The following MFAP3L variants were observed in gnomAD, a reference collection of about 807,000 sequenced individuals.
The protein encoded by MFAP3L is microfibril associated protein 3 like, also known as microfibrillar-associated protein 3-like.
In MFAP3L, 5 loss-of-function variants were observed where a neutral mutation model predicts 20.0. The observed-to-expected ratio is 0.25, with a 90% CI of 0.13 to 0.53. MFAP3L has a LOEUF of 0.53. Ranked by LOEUF, MFAP3L falls within the 20% of genes least tolerant of loss-of-function variation. MFAP3L has a pLI of 0.96. For missense variants in MFAP3L, 409 were observed against 527.5 expected, an observed-to-expected ratio of 0.78 and a Z score of 2.20; for synonymous variants, 219 against 213.0, an observed-to-expected ratio of 1.03 and a Z score of -0.25.
At chr4:170,005,069 C>T (rs937216234) in intron 2 of MFAP3L, 1 of 155,762 alleles carries the variant, frequency 6.4e-6, no homozygotes, top group African/African-American at 2.4e-5. Flanking sequence ...ATCCTCCCTC[C>T]CTCCCTGCCT....
rs759040793 is a variant in MFAP3L, at chr4:170,005,741, A to C, written c.137T>G (p.Val46Gly). The part of the protein sequence containing the change: ...LNGTNVVLGS[V>G]PVIIARTDHI... Reference sequence around the variant, plus strand: ...GTCAGTTCTGGCAATGATTACGGGCACAGAGCCCAAGACCACGTTAGTGCC... The same window carrying C: ...GTCAGTTCTGGCAATGATTACGGGCCCAGAGCCCAAGACCACGTTAGTGCC... The change falls in exon 2 of 3, where the codon GTG (valine) becomes GGG (glycine). Residue 46 changes from valine (V) to glycine (G), a missense_variant. Val to Gly is a moderately radical substitution (Grantham distance 109). Transcript: ENST00000361618. 2 of 1,614,216 alleles carry C rather than the reference A, an allele frequency of 1.2e-6. No individual in the cohort carries two copies. The highest frequency in any genetic ancestry group is 2.2e-5 in the South Asian group (2 of 91,078).
At chr4:170,011,039 G>A (rs1246886196) in intron 1 of MFAP3L, among the ~76,000 whole-genome samples, 2 of 152,114 alleles carry the variant, frequency 1.3e-5, no homozygotes, top group East Asian at 3.9e-4. Flanking sequence ...TAAGTCTCAC[G>A]AGATCTAACG....
upstream of MFAP3L, chr4:170,026,792 G>A (rs987594374): frequency 6.6e-5 from 10 of 152,266 alleles, no homozygotes; most frequent in African/African-American, 1.9e-4. Context: ...GGACACCCAG[G>A]AAAAGGCTTC....
intron 1 of MFAP3L, among the ~76,000 whole-genome samples, chr4:170,011,049 G>A (rs570532643): frequency 2.0e-5 from 3 of 152,244 alleles, no homozygotes; most frequent in South Asian, 4.1e-4. Context: ...GAGATCTAAC[G>A]GTTTTATAAA....
At chr4:170,006,589 C>A (rs1428661019) in intron 1 of MFAP3L, 3 of 152,178 alleles carry the variant, frequency 2.0e-5, no homozygotes, top group African/African-American at 7.2e-5. Flanking sequence ...TGGATTCAGG[C>A]TGCTTTCACT....
Position 169,992,354 on chromosome 4 carries a change from C to T in MFAP3L, c.299-45G>A, listed in dbSNP as rs755532700. ...AGAATTCAACCAAGGACACAGAGCT[C>T]CCATGACTACAAACTGATACGTTTC... On this transcript the variant is annotated intron_variant, in intron 2 of 2. Coordinates refer to ENST00000361618, the MANE Select transcript of MFAP3L (RefSeq NM_021647.8). This position sits in a 1 kb window ranked among gnomAD's most constrained non-coding sequence, Gnocchi z 4.3. The T allele has an allele frequency of 6.8e-7, 1 of 1,468,340 alleles. No homozygotes were observed. The highest frequency in any genetic ancestry group is 9.3e-7 in the Non-Finnish European group (1 of 1,071,032). The allele number at this position is 1,468,340 out of a possible 1,614,324, so 91.0% of individuals were successfully genotyped here. A position where few individuals can be genotyped will look rare whatever the true frequency, so the allele number is the denominator to read the frequency against.
At chr4:170,003,991 C>G (rs1208113752) in intron 2 of MFAP3L, among the ~76,000 whole-genome samples, 1 of 152,152 alleles carries the variant, frequency 6.6e-6, no homozygotes, top group Non-Finnish European at 1.5e-5. Context: ...GAGTCTCACT[C>G]TGTCGCCCAG....
intron 1 of MFAP3L, among the ~76,000 whole-genome samples, chr4:170,025,821 C>G (rs988870944): frequency 6.6e-6 from 1 of 152,192 alleles, no homozygotes; most frequent in African/African-American, 2.4e-5. Context: ...GGCCAGCGCA[C>G]GCTCCTCCCT....
chr4:169,992,218 G>A lies in MFAP3L; in HGVS notation c.390C>T (p.Ile130=). 6.2e-7 allele frequency: 1 copy of A among 1,614,174 alleles called. No individual in the cohort carries two copies. The highest frequency in any genetic ancestry group is 8.5e-7 in the Non-Finnish European group (1 of 1,180,044). ...TCACCGTGTTGTTCACGGTGCCGTA[G>A]ATGTTAGAAGCCACACACGTGTATT... is the stretch of plus-strand genomic sequence containing the variant. The part of the protein sequence containing the change: ...RGKYTCVASN[I]YGTVNNTVTL... Residue 130 remains isoleucine (I), a synonymous_variant, in exon 3 of 3, where the codon ATC becomes ATT. Transcript: ENST00000361618. This position sits in a 1 kb window ranked among gnomAD's most constrained non-coding sequence, Gnocchi z 4.3.
intron 1 of MFAP3L, among the ~76,000 whole-genome samples, chr4:170,012,229 G>A (rs1739428762): frequency 6.6e-6 from 1 of 152,164 alleles, no homozygotes; most frequent in Non-Finnish European, 1.5e-5. Flanking sequence ...CAGTGGGGAA[G>A]GAAAGAAGTT....
Position 170,023,686 on chromosome 4 carries a change from G to A in MFAP3L, c.-134+2548C>T, listed in dbSNP as rs891711412. 9.2e-5 allele frequency among the ~76,000 whole-genome samples: 14 copies of A among 152,198 alleles called. No individual in the cohort carries two copies. In the East Asian group the frequency reaches 2.7e-3, roughly 29 times the overall value. On this transcript the variant is annotated intron_variant, in intron 1 of 2. Transcript: ENST00000361618. ...GGGTTAGATGCCAACTTAGGGGAGT[G>A]ATAGTATCTGCATGATTTCTAAATT...
intron 2 of MFAP3L, among the ~76,000 whole-genome samples, chr4:169,999,320 G>A (rs1179899233): frequency 6.6e-6 from 1 of 152,150 alleles, no homozygotes; most frequent in African/African-American, 2.4e-5. Context: ...AGGTGGGGAT[G>A]GAAGGATTTT....
chr4:169,994,394 C>A (rs896562780), intron 2 of MFAP3L: 2 of 984,862 alleles, frequency 2.0e-6, no homozygotes, highest in African/African-American at 1.7e-5. Flanking sequence ...ACAAGACAGG[C>A]ATCTGATGGT....
chr4:170,005,429 C>T lies in MFAP3L; in HGVS notation c.298+151G>A. Reference sequence around the variant, plus strand: ...AATGAATTAATTGCTTCTTTGAATCCTTAAGGATATATATTCTCTCCTGCC... The same window carrying T: ...AATGAATTAATTGCTTCTTTGAATCTTTAAGGATATATATTCTCTCCTGCC... On this transcript the variant is annotated intron_variant, in intron 2 of 2. Transcript: ENST00000361618. 2 of 889,142 alleles carry T rather than the reference C, an allele frequency of 2.2e-6. 1 individual carries two copies. The highest frequency in any genetic ancestry group is 3.4e-5 in the South Asian group (2 of 58,110). 55.1% of individuals were successfully genotyped at this position (889,142 alleles called of 1,614,324 possible).
intron 2 of MFAP3L, among the ~76,000 whole-genome samples, chr4:170,001,373 T>C (rs960721066): frequency 2.6e-5 from 4 of 152,222 alleles, no homozygotes; most frequent in African/African-American, 9.6e-5. Flanking sequence ...GTGACAATTG[T>C]AGACTCAGTG....
chr4:169,997,238 T>C (rs1237960525), intron 2 of MFAP3L, among the ~76,000 whole-genome samples: 1 of 152,202 alleles, frequency 6.6e-6, no homozygotes, highest in African/African-American at 2.4e-5. Context: ...TAATGGAGGA[T>C]ATAAAATATT....
At chr4:170,015,151 A>G (rs1051383952) in intron 1 of MFAP3L, among the ~76,000 whole-genome samples, 1 of 152,204 alleles carries the variant, frequency 6.6e-6, no homozygotes, top group African/African-American at 2.4e-5. Flanking sequence ...TGAAGAGCAG[A>G]TGAGTTTAGA....
chr4:170,026,812 C>T (rs1730473503), upstream of MFAP3L: 1 of 152,240 alleles, frequency 6.6e-6, no homozygotes, highest in South Asian at 2.1e-4. Context: ...CTTAGGGTCC[C>T]ATCCTGGGGC....
intron 1 of MFAP3L, among the ~76,000 whole-genome samples, chr4:170,011,397 T>C (rs1413843463): frequency 6.6e-6 from 1 of 152,198 alleles, no homozygotes; most frequent in African/African-American, 2.4e-5. Context: ...CAGAGATTCA[T>C]ACTGCCCTTT....
Sources: allele counts gnomAD v4.1 joint callset (sites outside exome capture counted in the v4.1 genomes callset), GRCh38; gene constraint gnomAD v4.1.1; non-coding constraint Gnocchi (gnomAD v3.1); transcripts MANE v1.5; gene names NCBI Gene and HGNC (gene_info 2026-07-23, HGNC 2026-07-21).